The following RBFOX1 variants were observed in gnomAD, a reference collection of about 807,000 sequenced individuals.
RBFOX1 encodes the protein RNA binding fox-1 homolog 1.
Under a neutral mutation model 57.7 loss-of-function variants are expected in RBFOX1, and 8 were observed. That is an observed-to-expected ratio of 0.14 (90% CI 0.08 to 0.25). The LOEUF (loss-of-function observed/expected upper bound fraction) is 0.25. Among genes scored for constraint, RBFOX1 ranks in the 10% least tolerant of loss-of-function variants. RBFOX1 has a pLI of 1.00. For synonymous variants in RBFOX1, 326 were observed against 222.4 expected, an observed-to-expected ratio of 1.47 and a Z score of -4.15; for missense variants, 611 against 548.5, an observed-to-expected ratio of 1.11 and a Z score of -1.14.
intron 2 of RBFOX1, among the ~76,000 whole-genome samples, chr16:5,581,164 CA>C (rs1468079817): frequency 9.2e-5 from 14 of 151,522 alleles, no homozygotes; most frequent in African/African-American, 1.9e-4. Context: ...CTCCTATGTG[CA>C]TTTTTTTTTC....
At chr16:7,424,275 T>G (rs1312300581) in intron 4 of RBFOX1, among the ~76,000 whole-genome samples, 1 of 134,364 alleles carries the variant, frequency 7.4e-6, no homozygotes, top group African/African-American at 2.5e-5. Context: ...TACATATATA[T>G]GGGGGTGGGG....
chr16:7,292,684 C>T (rs1435556940), intron 4 of RBFOX1, among the ~76,000 whole-genome samples: 1 of 151,740 alleles, frequency 6.6e-6, no homozygotes, highest in African/African-American at 2.4e-5. Context: ...CGCTACAATA[C>T]ATGTGCATTA....
intron 2 of RBFOX1, among the ~76,000 whole-genome samples, chr16:5,527,127 A>G (rs1159806523): frequency 6.6e-6 from 1 of 152,194 alleles, no homozygotes; most frequent in African/African-American, 2.4e-5. Flanking sequence ...CATATTGGAA[A>G]GGCTGGTGGA....
At chr16:6,505,895 CAG>C (rs532973054) in intron 2 of RBFOX1, among the ~76,000 whole-genome samples, 23 of 152,260 alleles carry the variant, frequency 1.5e-4, no homozygotes, top group African/African-American at 4.8e-4. Context: ...GCGAAAGTGA[CAG>C]AGAACCTGTT....
rs187332558 is a variant in RBFOX1, at chr16:5,452,676, C to G, written c.220-14540C>G. On this transcript the variant is annotated intron_variant, in intron 1 of 2. Transcript: ENST00000585867. ...TTTTTTTTTTTGAGACAGAGTCTCA[C>G]TCTGTCACCCAGGCTGGAGTGCAAT... is the stretch of plus-strand genomic sequence containing the variant. 6.4e-4 allele frequency among the ~76,000 whole-genome samples: 97 copies of G among 151,686 alleles called. No individual in the cohort carries two copies. In the East Asian group the frequency reaches 0.017, roughly 27 times the overall value.
intron 3 of RBFOX1, among the ~76,000 whole-genome samples, chr16:5,822,190 A>C (rs2151806463): frequency 6.6e-6 from 1 of 152,316 alleles, no homozygotes; most frequent in Non-Finnish European, 1.5e-5. Flanking sequence ...GGAATGAAAA[A>C]CCAAACATCT....
intron 3 of RBFOX1, among the ~76,000 whole-genome samples, chr16:6,949,495 C>A (rs554892065): frequency 6.6e-6 from 1 of 152,176 alleles, no homozygotes; most frequent in South Asian, 2.1e-4. Context: ...AATCTAAAGC[C>A]AGAGCATTGG....
At chr16:6,041,161 G>T (rs2095432518) in intron 1 of RBFOX1, among the ~76,000 whole-genome samples, 1 of 152,034 alleles carries the variant, frequency 6.6e-6, no homozygotes, top group Non-Finnish European at 1.5e-5. Context: ...TCTTTTTCCT[G>T]TTTTGCCTTT....
chr16:7,145,292 C>T (rs1175004974), intron 4 of RBFOX1, among the ~76,000 whole-genome samples: 1 of 152,190 alleles, frequency 6.6e-6, no homozygotes, highest in African/African-American at 2.4e-5. Context: ...GCAGCCTCAA[C>T]TTCCCGGGTA....
chr16:5,824,528 A>C (rs2151811982), intron 3 of RBFOX1, among the ~76,000 whole-genome samples: 1 of 152,322 alleles, frequency 6.6e-6, no homozygotes, highest in South Asian at 2.1e-4. Context: ...TAGGCTGGTC[A>C]GTGGCTTTCT....
intron 2 of RBFOX1, among the ~76,000 whole-genome samples, chr16:5,576,079 C>G (rs1052078220): frequency 6.6e-6 from 1 of 152,106 alleles, no homozygotes; most frequent in Non-Finnish European, 1.5e-5. Context: ...TTCCGTTGCC[C>G]AGGTTCAAGC....
At chr16:7,291,279 A>C (rs1423184747) in intron 4 of RBFOX1, among the ~76,000 whole-genome samples, 5 of 152,186 alleles carry the variant, frequency 3.3e-5, no homozygotes, top group Admixed American at 3.3e-4. Context: ...AGACATCCTT[A>C]GTTTTGGGTA....
chr16:6,235,710 A>T (rs1353217805), intron 1 of RBFOX1, among the ~76,000 whole-genome samples: 1 of 152,032 alleles, frequency 6.6e-6, no homozygotes, highest in Non-Finnish European at 1.5e-5. Context: ...ATTCACAGTG[A>T]TCTGAATGAG....
At chr16:7,584,807 T>G (rs2094006778) in intron 6 of RBFOX1, among the ~76,000 whole-genome samples, 3 of 152,234 alleles carry the variant, frequency 2.0e-5, no homozygotes. Context: ...ACAACTGTCT[T>G]GGAAATGGGG....
At chr16:6,382,638 T>A (rs1488454218) in intron 2 of RBFOX1, among the ~76,000 whole-genome samples, 1 of 152,136 alleles carries the variant, frequency 6.6e-6, no homozygotes, top group Non-Finnish European at 1.5e-5. Flanking sequence ...GGCGGGCAGA[T>A]CATCTGAGGT....
intron 2 of RBFOX1, among the ~76,000 whole-genome samples, chr16:5,552,370 T>G (rs2045498870): frequency 6.6e-6 from 1 of 152,236 alleles, no homozygotes; most frequent in African/African-American, 2.4e-5. Context: ...TATTGAGCTC[T>G]TCAATGACAG....
chr16:6,245,524 C>A (rs1209785111), intron 1 of RBFOX1, among the ~76,000 whole-genome samples: 1 of 152,136 alleles, frequency 6.6e-6, no homozygotes, highest in African/African-American at 2.4e-5. Flanking sequence ...CTAGGGATAC[C>A]ACGGTCTGCA....
At chr16:6,993,127 A>G (rs1306009810) in intron 3 of RBFOX1, among the ~76,000 whole-genome samples, 2 of 152,190 alleles carry the variant, frequency 1.3e-5, no homozygotes, top group Non-Finnish European at 2.9e-5. Context: ...TAGGATCCAT[A>G]GATGGACTGA....
At chr16:6,476,530 A>C (rs1202584848) in intron 2 of RBFOX1, among the ~76,000 whole-genome samples, 1 of 152,240 alleles carries the variant, frequency 6.6e-6, no homozygotes, top group African/African-American at 2.4e-5. Flanking sequence ...AACGACGTGC[A>C]TACCTTAATT....
Sources: allele counts gnomAD v4.1 joint callset (sites outside exome capture counted in the v4.1 genomes callset), GRCh38; gene constraint gnomAD v4.1.1; transcripts MANE v1.5; gene names NCBI Gene and HGNC (gene_info 2026-07-23, HGNC 2026-07-21).